Variants in WASHC2C observed in about 807,000 individuals in gnomAD.
The protein encoded by WASHC2C is WASH complex subunit 2C.
Under a neutral mutation model 142.2 loss-of-function variants are expected in WASHC2C, and 73 were observed. That is an observed-to-expected ratio of 0.51 (90% CI 0.43 to 0.62). WASHC2C has a LOEUF of 0.62. Among genes scored for constraint, WASHC2C ranks in the 20% least tolerant of loss-of-function variants. The pLI is 0.00. For missense variants in WASHC2C, 969 were observed against 1,531.7 expected (o/e 0.63, Z 6.13); for synonymous variants, 337 against 565.5 (o/e 0.60, Z 5.73).
At position 45,729,822 on chromosome 10, in the gene WASHC2C, C is replaced by G. The variant is rs565030915; in HGVS notation, c.291+796C>G. ...GTTAGATATAAAGTAATAAAATTTT[C>G]AGAATCACAAAATTATTAAAAAAGC... On this transcript the variant is annotated intron_variant, in intron 3 of 30. Coordinates refer to ENST00000623400, the MANE Select transcript of WASHC2C (RefSeq NM_001330074.2). Among the ~76,000 whole-genome samples, 295 of 150,580 alleles carry G rather than the reference C, an allele frequency of 2.0e-3. 1 individual carries two copies. Among genetic ancestry groups the G allele is most frequent in the Middle Eastern group, 0.01 (3 of 294 alleles).
chr10:45,763,829 G>T (rs1293648537), intron 18 of WASHC2C, among the ~76,000 whole-genome samples: 3 of 151,800 alleles, frequency 2.0e-5, no homozygotes, highest in African/African-American at 4.8e-5. Flanking sequence ...GACCTCCCAA[G>T]TAGCTGGGAC....
chr10:45,734,827 C>G (rs1251396225), intron 3 of WASHC2C, among the ~76,000 whole-genome samples: 5 of 152,000 alleles, frequency 3.3e-5, no homozygotes, highest in Non-Finnish European at 5.9e-5. Flanking sequence ...CTCAAGCCAT[C>G]CTCCCATCTC....
At chr10:45,754,672 T>G (rs551700596) in intron 14 of WASHC2C, 127 bp downstream of exon 14, 55 of 994,016 alleles carry the variant, frequency 5.5e-5, no homozygotes, top group East Asian at 3.7e-4. Flanking sequence ...GCTTTGAGCA[T>G]CTTATAGAAA....
intron 21 of WASHC2C, among the ~76,000 whole-genome samples, chr10:45,776,223 CA>C (rs1218653242): frequency 6.6e-6 from 1 of 152,094 alleles, no homozygotes; most frequent in East Asian, 1.9e-4. Context: ...CTTAGTTTCC[CA>C]AATCTGCCTT....
rs374119675 is a variant in WASHC2C, at chr10:45,754,064, T to C, written c.1181-422T>C. Among the ~76,000 whole-genome samples the C allele has an allele frequency of 5.9e-5, 9 of 152,026 alleles. No individual in the cohort carries two copies. In the East Asian group the frequency reaches 1.8e-3, roughly 30 times the overall value. On this transcript the variant is annotated intron_variant, in intron 13 of 30. Transcript: ENST00000623400. ...TGCTTGGTTTCCCCCTTTGCTCTTA[T>C]GTCTTTATTTTTTTACTGATGACTC...
At chr10:45,771,583 T>G (rs2056595416) in intron 20 of WASHC2C, 1 of 980,728 alleles carries the variant, frequency 1.0e-6, no homozygotes, top group Admixed American at 6.3e-5. Flanking sequence ...ATCTTGTTTG[T>G]GGGTCCTGGT....
chr10:45,772,637 G>C (rs757798095), intron 20 of WASHC2C, among the ~76,000 whole-genome samples: 11 of 152,198 alleles, frequency 7.2e-5, no homozygotes, highest in Admixed American at 1.3e-4. Flanking sequence ...GATCACTTGA[G>C]TTCAGGAATT....
At chr10:45,737,252 T>TA (rs1246738898) in intron 3 of WASHC2C, among the ~76,000 whole-genome samples, 23 of 134,822 alleles carry the variant, frequency 1.7e-4, no homozygotes, top group African/African-American at 6.5e-4. Flanking sequence ...GTGCTGGCCT[T>TA]ACAGGCGTGA....
rs1554873314 is a variant in WASHC2C at position 45,749,857 on chromosome 10, T to TTATATTTA, written c.733-234_733-233insTTATATAT. 8.6e-3 allele frequency among the ~76,000 whole-genome samples: 758 copies of TTATATTTA among 88,256 alleles called. 18 individuals carry two copies. Among genetic ancestry groups the TTATATTTA allele is most frequent in the African/African-American group, 0.029 (641 of 22,214 alleles). 57.9% of individuals were successfully genotyped at this position (88,256 alleles called of 152,430 possible). A position where few individuals can be genotyped will look rare whatever the true frequency, so the allele number is the denominator to read the frequency against. On this transcript the variant is annotated intron_variant, in intron 8 of 30. Coordinates refer to ENST00000623400, the MANE Select transcript of WASHC2C (RefSeq NM_001330074.2). The stretch of plus-strand genomic sequence containing the variant: ...AAAAAATATATATATATATATATAT[T>TTATATTTA]TATATATATATATATTTATATTTTA...
chr10:45,757,136 A>C lies in WASHC2C; in HGVS notation c.1545A>C (p.Lys515Asn), dbSNP rs1458552466. ...QTDENKARAE[K>N]KVTLSYSKNL... is the part of the protein sequence containing the mutation. ...ATGAAAATAAAGCAAGAGCAGAAAA[A>C]AAGGTGAGCAGGAGGGAAGACTTAA... The change falls in exon 16 of 31, where the codon AAA becomes AAC. Residue 515 changes from lysine to asparagine, a missense_variant. Transcript: ENST00000623400. 5.6e-6 allele frequency: 9 copies of C among 1,602,554 alleles called. No individual in the cohort carries two copies. The East Asian group carries it at 2.0e-4, about 36-fold the overall frequency.
rs782799603 is a variant in WASHC2C at position 45,784,587 on chromosome 10, C to G, written c.2501C>G (p.Pro834Arg). Residue 834 changes from proline (P) to arginine (R), a missense_variant, in exon 24 of 31, where the codon CCC becomes CGC. Physicochemically the swap from Pro to Arg is moderately radical, Grantham distance 103. Coordinates refer to ENST00000623400, the MANE Select transcript of WASHC2C (RefSeq NM_001330074.2). The part of the protein sequence containing the change: ...VGKGCDPDAH[P>R]KSTGVFQDEE... Reference sequence around the variant, plus strand: ...CAGGGCTGCGATCCTGATGCCCACCCCAAGAGCACAGGTGTCTTCCAGGAT... The same window carrying G: ...CAGGGCTGCGATCCTGATGCCCACCGCAAGAGCACAGGTGTCTTCCAGGAT... The G allele has an allele frequency of 8.1e-6, 13 of 1,611,322 alleles. No homozygotes were observed. In the South Asian group the frequency reaches 8.8e-5, roughly 11 times the overall value.
intron 16 of WASHC2C, among the ~76,000 whole-genome samples, chr10:45,758,395 G>C (rs1554878369): frequency 6.6e-6 from 1 of 152,134 alleles, no homozygotes; most frequent in African/African-American, 2.4e-5. Flanking sequence ...TTTACTCAGT[G>C]TTTTGAAAAT....
chr10:45,735,504 T>C (rs113991585), intron 3 of WASHC2C, among the ~76,000 whole-genome samples: 5,768 of 149,120 alleles, frequency 0.039, 171 homozygotes, highest in African/African-American at 0.074. Context: ...GGATTACAGG[T>C]ATGAGCCTCC....
rs2058329243 is a variant in WASHC2C at position 45,790,387 on chromosome 10, CCT to C, written c.3744_3745del (p.Gln1249GlufsTer12). The C allele has an allele frequency of 3.1e-6, 5 of 1,610,450 alleles. No individual in the cohort carries two copies. Among genetic ancestry groups the C allele is most frequent in the African/African-American group, 1.3e-5 (1 of 74,700 alleles). On this transcript the variant is annotated frameshift_variant, in exon 30 of 31. Transcript: ENST00000623400. LOFTEE classifies it high-confidence loss of function. ...ATATTTGCTACGGAAGCAATTAAAC[CCT>C]CTCAGAAAACCAGAGAGAAGGAGAA...
chr10:45,741,138 G>C (rs2051989399), intron 5 of WASHC2C, among the ~76,000 whole-genome samples: 1 of 151,978 alleles, frequency 6.6e-6, no homozygotes, highest in African/African-American at 2.4e-5. Context: ...AGTATAGACA[G>C]GGTTTCACCA....
At chr10:45,758,088 C>T (rs1250426890) in intron 16 of WASHC2C, among the ~76,000 whole-genome samples, 3 of 151,854 alleles carry the variant, frequency 2.0e-5, no homozygotes, top group Non-Finnish European at 2.9e-5. Flanking sequence ...AATATCCAGC[C>T]ACTTGTCTTG....
intron 23 of WASHC2C, among the ~76,000 whole-genome samples, chr10:45,784,323 T>C (rs555191508): frequency 3.8e-5 from 4 of 103,958 alleles, no homozygotes; most frequent in South Asian, 7.2e-4. Context: ...CACACACATA[T>C]ATATATATAT....
intron 13 of WASHC2C, among the ~76,000 whole-genome samples, chr10:45,753,653 G>C (rs1194822809): frequency 7.2e-6 from 1 of 138,418 alleles, no homozygotes; most frequent in East Asian, 2.1e-4. Flanking sequence ...TTTTGTTTTT[G>C]TATTTTTAGT....
intron 3 of WASHC2C, among the ~76,000 whole-genome samples, chr10:45,734,523 A>G (rs1435723085): frequency 1.3e-5 from 2 of 151,640 alleles, no homozygotes; most frequent in Non-Finnish European, 2.9e-5. Context: ...AATGTTATTT[A>G]TGAAATGTTT....
Sources: allele counts gnomAD v4.1 joint callset (sites outside exome capture counted in the v4.1 genomes callset), GRCh38; gene constraint gnomAD v4.1.1; transcripts MANE v1.5; gene names NCBI Gene and HGNC (gene_info 2026-07-23, HGNC 2026-07-21).